ENPP6: variants seen among roughly 807,000 people sequenced by gnomAD.
ENPP6 encodes glycerophosphocholine cholinephosphodiesterase ENPP6.
A neutral mutation model predicts 42.0 loss-of-function variants in ENPP6; 32 were observed. The ratio of observed to expected loss-of-function variants is 0.76; its 90% CI spans 0.58 to 1.02. The LOEUF is 1.02. Ranked by LOEUF, ENPP6 falls within the 50% of genes least tolerant of loss-of-function variation. ENPP6 has a pLI of 0.00. For synonymous variants in ENPP6, 213 were observed against 216.0 expected (o/e 0.99, Z 0.12); for missense variants, 552 against 566.8 (o/e 0.97, Z 0.27).
At chr4:184,150,862 T>A (rs993101242) in intron 2 of ENPP6, among the ~76,000 whole-genome samples, 3 of 152,380 alleles carry the variant, frequency 2.0e-5, no homozygotes, top group East Asian at 3.9e-4. Flanking sequence ...CAGTTAACAC[T>A]GTAAATGATC....
In ENPP6 at chr4:184,193,805, C is replaced by G. The variant is rs992230338; in HGVS notation, c.241+23774G>C. 8.9e-4 allele frequency among the ~76,000 whole-genome samples: 136 copies of G among 152,172 alleles called. 1 individual carries two copies. Among genetic ancestry groups the G allele is most frequent in the African/African-American group, 3.1e-3 (130 of 41,452 alleles). The stretch of plus-strand genomic sequence containing the variant: ...CCAAATGCAGAATTTACCTACAAAG[C>G]ATTTTTCCTCCTTTCCAGCTCCCTA... On this transcript the variant is annotated intron_variant, in intron 1 of 7. Coordinates refer to ENST00000296741, the MANE Select transcript of ENPP6 (RefSeq NM_153343.4).
At chr4:184,097,397 A>T in intron 6 of ENPP6, 29 bp from the exon 7 acceptor site, 1 of 1,612,906 alleles carries the variant, frequency 6.2e-7, no homozygotes, top group Non-Finnish European at 8.5e-7. Context: ...GACACATGAC[A>T]CTACGTCCTG....
chr4:184,146,889 C>A (rs4315840), intron 2 of ENPP6, among the ~76,000 whole-genome samples: 83,659 of 151,958 alleles, frequency 0.55, 24,179 homozygotes, highest in Non-Finnish European at 0.64. Context: ...TGGTTACTAA[C>A]AATTAGATTT....
intron 1 of ENPP6, among the ~76,000 whole-genome samples, chr4:184,215,518 T>C (rs752610057): frequency 3.9e-5 from 6 of 152,216 alleles, no homozygotes; most frequent in Non-Finnish European, 8.8e-5. Flanking sequence ...GTTCATGGCC[T>C]GGCATTTCCC....
Position 184,217,842 on chromosome 4 carries a change from C to G in ENPP6, c.-23G>C. On this transcript the variant is annotated 5_prime_UTR_variant, in exon 1 of 8. Transcript: ENST00000296741. ...CATGCTGCCAGGAGCCTGCCAGAGCCCGGCTGGCACAGCTGTCGCCTTGCA... is the reference window on the plus strand; with the variant it reads ...CATGCTGCCAGGAGCCTGCCAGAGCGCGGCTGGCACAGCTGTCGCCTTGCA... 6.2e-7 allele frequency: 1 copy of G among 1,609,674 alleles called. No homozygotes were observed. The highest frequency in any genetic ancestry group is 8.5e-7 in the Non-Finnish European group (1 of 1,178,292).
intron 5 of ENPP6, among the ~76,000 whole-genome samples, chr4:184,113,064 A>G (rs752255258): frequency 9.9e-5 from 15 of 152,202 alleles, no homozygotes; most frequent in Non-Finnish European, 1.8e-4. Context: ...GAAATCCCTC[A>G]AGCCTGTGCA....
intron 7 of ENPP6, among the ~76,000 whole-genome samples, chr4:184,092,507 C>T (rs146185829): frequency 6.6e-5 from 10 of 152,268 alleles, no homozygotes; most frequent in South Asian, 2.1e-4. Context: ...GAGTGAGGGA[C>T]GCCGAGGGTG....
chr4:184,098,563 C>A (rs186236081), intron 6 of ENPP6, among the ~76,000 whole-genome samples: 34 of 152,312 alleles, frequency 2.2e-4, no homozygotes. Flanking sequence ...GAAGATGGCA[C>A]CTTTGCTCCC....
At chr4:184,191,640 C>T (rs1665594673) in intron 1 of ENPP6, among the ~76,000 whole-genome samples, 1 of 152,162 alleles carries the variant, frequency 6.6e-6, no homozygotes, top group African/African-American at 2.4e-5. Context: ...AAAGTTCTCT[C>T]ATCTGTAAAA....
At chr4:184,096,206 T>C (rs1735899150) in intron 7 of ENPP6, among the ~76,000 whole-genome samples, 1 of 152,008 alleles carries the variant, frequency 6.6e-6, no homozygotes, top group Non-Finnish European at 1.5e-5. Flanking sequence ...GAAAGTAGAG[T>C]GAACGATGGT....
chr4:184,100,713 A>G (rs1343044153), intron 6 of ENPP6, among the ~76,000 whole-genome samples: 1 of 152,180 alleles, frequency 6.6e-6, no homozygotes, highest in South Asian at 2.1e-4. Flanking sequence ...AATTCACTCC[A>G]TGCAGGCAGA....
intron 6 of ENPP6, among the ~76,000 whole-genome samples, chr4:184,111,749 C>G (rs1022552762): frequency 1.3e-5 from 2 of 152,206 alleles, no homozygotes; most frequent in Non-Finnish European, 2.9e-5. Flanking sequence ...AACACACAAC[C>G]TGTGTGTTAC....
At chr4:184,138,506 C>T (rs1736767226) in intron 2 of ENPP6, among the ~76,000 whole-genome samples, 1 of 151,544 alleles carries the variant, frequency 6.6e-6, no homozygotes, top group Admixed American at 6.5e-5. Flanking sequence ...AACCATCTGT[C>T]TGGTGCTAAG....
intron 2 of ENPP6, among the ~76,000 whole-genome samples, chr4:184,131,204 C>CTTTCTTTCTTTCTT (rs869026694): frequency 2.2e-5 from 1 of 45,206 alleles, no homozygotes; most frequent in East Asian, 5.3e-4. Context: ...TTTCTTTCTT[C>CTTTCTTTCTTTCTT]TTTCTTTCTT....
chr4:184,120,774 C>G (rs1050162535), intron 3 of ENPP6, among the ~76,000 whole-genome samples: 1 of 152,192 alleles, frequency 6.6e-6, no homozygotes, highest in Admixed American at 6.5e-5. Flanking sequence ...GCTGCAGAAC[C>G]CCAGGCCTTA....
Position 184,196,830 on chromosome 4 carries a change from G to A in ENPP6, c.241+20749C>T, listed in dbSNP as rs115273616. ...TGGTTTAAATTCCATCCCAACAGGC[G>A]TCTCACAACTGGCTGCAAGAACCCT... is the stretch of plus-strand genomic sequence containing the variant. On this transcript the variant is annotated intron_variant, in intron 1 of 7. Coordinates refer to ENST00000296741, the MANE Select transcript of ENPP6 (RefSeq NM_153343.4). 1.6e-3 allele frequency among the ~76,000 whole-genome samples: 245 copies of A among 152,270 alleles called. 1 individual carries two copies. The highest frequency in any genetic ancestry group is 5.3e-3 in the African/African-American group (220 of 41,566).
At chr4:184,112,881 G>A in intron 5 of ENPP6, 72 bp from the exon 6 acceptor site, 1 of 1,461,886 alleles carries the variant, frequency 6.8e-7, no homozygotes, top group Middle Eastern at 1.8e-4. Flanking sequence ...GGAGCTAGGG[G>A]AGAGGAGAAC....
chr4:184,128,800 A>G (rs927838389), intron 2 of ENPP6, among the ~76,000 whole-genome samples: 1 of 152,220 alleles, frequency 6.6e-6, no homozygotes, highest in South Asian at 2.1e-4. Flanking sequence ...TTCGAATATA[A>G]CTGTTGAAAA....
chr4:184,176,883 C>G (rs1737572252), intron 1 of ENPP6, among the ~76,000 whole-genome samples: 1 of 152,226 alleles, frequency 6.6e-6, no homozygotes, highest in South Asian at 2.1e-4. Flanking sequence ...GACTCTGTCT[C>G]TAACTACAAC....
Sources: gnomAD v4.1 joint callset for allele counts (sites outside exome capture counted in the v4.1 genomes callset) on GRCh38, gnomAD v4.1.1 for gene constraint, MANE v1.5 for transcripts, NCBI Gene and HGNC (gene_info 2026-07-23, HGNC 2026-07-21) for gene names.